Variants in PTPRN2 observed in about 807,000 individuals in gnomAD.
The protein encoded by PTPRN2 is receptor-type tyrosine-protein phosphatase N2.
Under a neutral mutation model 118.8 loss-of-function variants are expected in PTPRN2, and 74 were observed. The ratio of observed to expected loss-of-function variants is 0.62; its 90% CI spans 0.52 to 0.76. The LOEUF (loss-of-function observed/expected upper bound fraction) is 0.76, where lower values mean the gene tolerates loss of function less well. PTPRN2 is among the 30% of genes least tolerant of loss of function. PTPRN2 has a pLI of 0.00. For synonymous variants in PTPRN2, 641 were observed against 608.0 expected (o/e 1.05, Z -0.80); for missense variants, 1,481 against 1,394.4 (o/e 1.06, Z -0.99).
At chr7:157,832,130 G>A (rs1807609916) in intron 12 of PTPRN2, among the ~76,000 whole-genome samples, 1 of 152,196 alleles carries the variant, frequency 6.6e-6, no homozygotes, top group African/African-American at 2.4e-5. Context: ...TGGCACCAAG[G>A]CTGTGGCAGC....
chr7:157,614,228 C>T (rs1192087600), intron 15 of PTPRN2: 1 of 421,006 alleles, frequency 2.4e-6, no homozygotes, highest in South Asian at 1.8e-5. Context: ...GTGGCAAGGT[C>T]GCAGAGCAGG....
intron 5 of PTPRN2, among the ~76,000 whole-genome samples, chr7:158,180,737 T>C (rs1010015745): frequency 2.0e-5 from 3 of 152,214 alleles, no homozygotes; most frequent in Admixed American, 1.3e-4. Flanking sequence ...GATTTGATTC[T>C]CAGCTTGGTC....
At chr7:158,568,473 G>T (rs61143051) in intron 1 of PTPRN2, among the ~76,000 whole-genome samples, 86 of 151,718 alleles carry the variant, frequency 5.7e-4, no homozygotes, top group African/African-American at 2.0e-3. Context: ...AAAAAAAACA[G>T]CTTTTAGAGT....
At chr7:158,454,139 T>C (rs1393724359) in intron 2 of PTPRN2, among the ~76,000 whole-genome samples, 1 of 151,712 alleles carries the variant, frequency 6.6e-6, no homozygotes, top group Non-Finnish European at 1.5e-5. Flanking sequence ...CAATCACCGA[T>C]GTCAGGATTG....
chr7:157,545,725 CT>C (rs572281646), intron 22 of PTPRN2, among the ~76,000 whole-genome samples: 1 of 152,046 alleles, frequency 6.6e-6, no homozygotes, highest in Non-Finnish European at 1.5e-5. Flanking sequence ...TGAGGGGCAT[CT>C]TTTTTACCAC....
chr7:158,038,182 T>A (rs1433883022), intron 11 of PTPRN2, among the ~76,000 whole-genome samples: 1 of 152,088 alleles, frequency 6.6e-6, no homozygotes, highest in African/African-American at 2.4e-5. Context: ...AAGAAAATCA[T>A]CAAGGTTTTG....
chr7:158,152,130 C>T (rs34377343), intron 6 of PTPRN2, among the ~76,000 whole-genome samples: 35,539 of 140,608 alleles, frequency 0.25, 5,403 homozygotes, highest in Middle Eastern at 0.43. Flanking sequence ...GCCGAGATCA[C>T]GCCACTGCAC....
rs1184343214 is a variant in PTPRN2, at chr7:157,615,884, T to G, written c.2344+5478A>C. On this transcript the variant is annotated intron_variant, in intron 15 of 22. Transcript: ENST00000389418. This position sits in a 1 kb window ranked among gnomAD's most constrained non-coding sequence, Gnocchi z 4.3. ...ACCTTAAGGAAAAGACTCTGGATGT[T>G]AGTGGGTTCGGCCTCAGAATCAGCC... 3.0e-6 allele frequency: 1 copy of G among 331,626 alleles called. No individual in the cohort carries two copies. 20.5% of individuals were successfully genotyped at this position (331,626 alleles called of 1,614,324 possible).
At chr7:158,412,758 C>A (rs1256699612) in intron 2 of PTPRN2, among the ~76,000 whole-genome samples, 1 of 136,270 alleles carries the variant, frequency 7.3e-6, no homozygotes, top group Non-Finnish European at 1.6e-5. Context: ...CAGCTCAGCA[C>A]CCTCCTCAGC....
intron 2 of PTPRN2, among the ~76,000 whole-genome samples, chr7:158,324,189 C>A (rs1054046835): frequency 6.6e-6 from 1 of 152,194 alleles, no homozygotes; most frequent in African/African-American, 2.4e-5. Context: ...GGCACCTCGC[C>A]TCTACCGCCC....
chr7:158,440,752 GT>G (rs1816950077), intron 2 of PTPRN2, among the ~76,000 whole-genome samples: 6 of 148,478 alleles, frequency 4.0e-5, no homozygotes, highest in South Asian at 2.2e-4. Flanking sequence ...GGTGGTGACA[GT>G]GGTGGTGGTG....
chr7:158,556,024 G>T (rs1003699535), intron 1 of PTPRN2, among the ~76,000 whole-genome samples: 2 of 149,782 alleles, frequency 1.3e-5, no homozygotes, highest in African/African-American at 5.1e-5. Flanking sequence ...GGTTGTCATA[G>T]ATAGATAGAT....
intron 3 of PTPRN2, among the ~76,000 whole-genome samples, chr7:158,291,849 A>G (rs1800141171): frequency 6.6e-6 from 1 of 152,104 alleles, no homozygotes; most frequent in Non-Finnish European, 1.5e-5. Flanking sequence ...GTTTAACTCA[A>G]GAAGAGAGAG....
chr7:157,779,513 C>T lies in PTPRN2; in HGVS notation c.1789-96576G>A, dbSNP rs1387773839. On this transcript the variant is annotated intron_variant, in intron 12 of 22. Transcript: ENST00000389418. The surrounding 1 kb of genome is among the most constrained non-coding windows in gnomAD (Gnocchi z 4.7). ...AGCAGGAACCCCCAAATTCCCTCCT[C>T]AGGCCAGTGCCCTCCACGTTGTCCC... 6.6e-5 allele frequency among the ~76,000 whole-genome samples: 10 copies of T among 152,268 alleles called. No individual in the cohort carries two copies. The highest frequency in any genetic ancestry group is 2.4e-4 in the African/African-American group (10 of 41,556).
In PTPRN2 at chr7:158,276,582, G is replaced by A. The variant is rs980651494; in HGVS notation, c.277+40237C>T. Among the ~76,000 whole-genome samples, 23 of 151,260 alleles carry A rather than the reference G, an allele frequency of 1.5e-4. No homozygotes were observed. In the East Asian group the frequency reaches 1.6e-3, roughly 10 times the overall value. ...CTGGCCCTGGGCAGTCGTGGTGACC[G>A]CATGGCCTTGTTGGTAGCTTCCTTC... On this transcript the variant is annotated intron_variant, in intron 3 of 22. Transcript: ENST00000389418.
intron 10 of PTPRN2, among the ~76,000 whole-genome samples, chr7:158,106,444 C>G (rs1815689358): frequency 6.6e-6 from 1 of 152,188 alleles, no homozygotes; most frequent in Admixed American, 6.5e-5. Context: ...ATCCTTGGCT[C>G]CAGCTTCTTT....
rs1490938917 is a variant in PTPRN2, at chr7:158,235,566, G to C, written c.278-30293C>G. ...TGGATCTCATGAGGGTGCCTCCGTT[G>C]AGATTGGTGGTTACCAGAGGATGGG... On this transcript the variant is annotated intron_variant, in intron 3 of 22. Coordinates refer to ENST00000389418, the MANE Select transcript of PTPRN2 (RefSeq NM_002847.5). Among the ~76,000 whole-genome samples, 5 of 152,186 alleles carry C rather than the reference G, an allele frequency of 3.3e-5. No homozygotes were observed. In the East Asian group the frequency reaches 9.6e-4, roughly 29 times the overall value.
At chr7:157,904,382 T>TC (rs1050532864) in intron 11 of PTPRN2, among the ~76,000 whole-genome samples, 8 of 152,274 alleles carry the variant, frequency 5.3e-5, no homozygotes, top group African/African-American at 1.9e-4. Flanking sequence ...ACTGCTCCCC[T>TC]CCCGTGGCCC....
chr7:158,061,298 A>T (rs1261469863), intron 11 of PTPRN2, among the ~76,000 whole-genome samples: 1 of 152,246 alleles, frequency 6.6e-6, no homozygotes, highest in Non-Finnish European at 1.5e-5. Flanking sequence ...ACTTAAAACA[A>T]GGGGAGGACT....
Sources: allele counts gnomAD v4.1 joint callset (sites outside exome capture counted in the v4.1 genomes callset), GRCh38; gene constraint gnomAD v4.1.1; non-coding constraint Gnocchi (gnomAD v3.1); transcripts MANE v1.5; gene names NCBI Gene and HGNC (gene_info 2026-07-23, HGNC 2026-07-21).